NAALAD2: variants seen among roughly 807,000 people sequenced by gnomAD.
The protein encoded by NAALAD2 is N-acetylated-alpha-linked acidic dipeptidase 2.
A neutral mutation model predicts 95.6 loss-of-function variants in NAALAD2; 89 were observed. The observed-to-expected ratio is 0.93, with a 90% CI of 0.78 to 1.11. NAALAD2 has a LOEUF of 1.11. NAALAD2 is among the 50% of genes least tolerant of loss of function. The pLI is 0.00. For synonymous variants in NAALAD2, 264 were observed against 294.4 expected, an observed-to-expected ratio of 0.90 and a Z score of 1.06; for missense variants, 894 against 872.4, an observed-to-expected ratio of 1.02 and a Z score of -0.31.
intron 18 of NAALAD2, among the ~76,000 whole-genome samples, chr11:90,187,272 C>T (rs1857180551): frequency 6.6e-6 from 1 of 151,970 alleles, no homozygotes; most frequent in Admixed American, 6.5e-5. Flanking sequence ...GGCGATTCCT[C>T]AGGGATCTAG....
intron 8 of NAALAD2, 146 bp downstream of exon 8, chr11:90,159,483 C>T (rs1253724825): frequency 1.8e-6 from 1 of 569,336 alleles, no homozygotes; most frequent in African/African-American, 1.9e-5. Context: ...AGTACTTACA[C>T]ATGAAATATT....
intron 2 of NAALAD2, among the ~76,000 whole-genome samples, chr11:90,141,236 A>G (rs1202844861): frequency 6.6e-6 from 1 of 152,182 alleles, no homozygotes; most frequent in Non-Finnish European, 1.5e-5. Flanking sequence ...CATTTAAAAT[A>G]TATAATAAAC....
intron 2 of NAALAD2, among the ~76,000 whole-genome samples, chr11:90,144,519 T>C (rs1487179500): frequency 1.3e-5 from 2 of 151,694 alleles, no homozygotes; most frequent in African/African-American, 4.8e-5. Flanking sequence ...GGAGAGTGGA[T>C]CACCTGAGGT....
chr11:90,147,620 T>C, intron 3 of NAALAD2, 104 bp downstream of exon 3: 1 of 1,045,146 alleles, frequency 9.6e-7, no homozygotes, highest in Non-Finnish European at 1.4e-6. Flanking sequence ...TAGTGAATTA[T>C]TCAGTATCCA....
At chr11:90,137,970 T>C (rs560300201) in intron 2 of NAALAD2, among the ~76,000 whole-genome samples, 2 of 152,038 alleles carry the variant, frequency 1.3e-5, no homozygotes, top group South Asian at 4.2e-4. Flanking sequence ...GAGTTCTTTA[T>C]ATAGAGTTGA....
At chr11:90,145,365 A>C in intron 2 of NAALAD2, among the ~76,000 whole-genome samples, 1 of 152,118 alleles carries the variant, frequency 6.6e-6, no homozygotes, top group East Asian at 1.9e-4. Context: ...AAAAGATGGG[A>C]GGCAAAAAAG....
At chr11:90,132,259 T>G (rs754254109), upstream of NAALAD2, 12 of 152,602 alleles carry the variant, frequency 7.9e-5, no homozygotes, top group Non-Finnish European at 1.5e-4. Context: ...GGGAGATTAT[T>G]CAAACTGGCA....
At chr11:90,156,121 C>T (rs1053960927) in intron 6 of NAALAD2, among the ~76,000 whole-genome samples, 2 of 151,678 alleles carry the variant, frequency 1.3e-5, no homozygotes, top group African/African-American at 4.8e-5. Flanking sequence ...AGTCATTTCT[C>T]CTTTAGTCCT....
rs1379259516 is a variant in NAALAD2, at chr11:90,163,436, A to T, written c.1195+7A>T. 1.2e-5 allele frequency: 20 copies of T among 1,613,740 alleles called. No homozygotes were observed. Among genetic ancestry groups the T allele is most frequent in the Non-Finnish European group, 1.7e-5 (20 of 1,179,858 alleles). ...GGAAAACTGATGAGTAAAGGTAAAC[A>T]ACCTTTCTTTCCTAGGTGATGACAA... On this transcript the variant is annotated splice_region_variant and intron_variant, in intron 10 of 18. Coordinates refer to ENST00000534061, the MANE Select transcript of NAALAD2 (RefSeq NM_005467.4).
chr11:90,154,378 GT>G (rs1184139344), intron 6 of NAALAD2, among the ~76,000 whole-genome samples: 11 of 151,748 alleles, frequency 7.2e-5, no homozygotes, highest in Non-Finnish European at 1.5e-5. Context: ...GTTGCCAAAT[GT>G]TTTTTCTGTG....
In NAALAD2 at chr11:90,162,987, C is replaced by T. The variant is rs759018533; in HGVS notation, c.1028C>T (p.Thr343Ile). The T allele has an allele frequency of 1.3e-6, 2 of 1,567,716 alleles. No homozygotes were observed. Among genetic ancestry groups the T allele is most frequent in the South Asian group, 2.4e-5 (2 of 83,570 alleles). ...CATGTTTATAACATCAATAAAATTA[C>T]AAGGATTTACAATGTAGTTGGAACT... ...RMHVYNINKITRIYNVVGTIR... is the reference protein window; with the variant it reads ...RMHVYNINKIIRIYNVVGTIR... The change falls in exon 9 of 19, where the codon ACA becomes ATA. Residue 343 changes from threonine (T) to isoleucine (I), a missense_variant. By Grantham distance (89) the Thr-to-Ile change is moderately conservative (BLOSUM62 -1). Transcript: ENST00000534061.
chr11:90,182,868 CATG>C (rs1246753625), intron 17 of NAALAD2, 45 bp from the exon 18 acceptor site: 1 of 1,196,478 alleles, frequency 8.4e-7, no homozygotes, highest in African/African-American at 1.5e-5. Context: ...ATTTTTGAAG[CATG>C]ATTCTGCGGT....
Position 90,177,935 on chromosome 11 carries a change from C to T in NAALAD2, c.1676C>T (p.Thr559Ile), listed in dbSNP as rs1438696234. 6.2e-7 allele frequency: 1 copy of T among 1,613,772 alleles called. No homozygotes were observed. The highest frequency in any genetic ancestry group is 1.7e-5 in the Admixed American group (1 of 59,994). Residue 559 changes from threonine to isoleucine, a missense_variant, in exon 16 of 19, where the codon ACA becomes ATA. Physicochemically the swap from Thr to Ile is moderately conservative, Grantham distance 89 (BLOSUM62 -1). Transcript: ENST00000534061. ...TTGGTAGAGAAATTTTATGACCCCACATTTAAAAAACAACTTTCTGTGGCT... is the reference window on the plus strand; with the variant it reads ...TTGGTAGAGAAATTTTATGACCCCATATTTAAAAAACAACTTTCTGTGGCT... ...FELVEKFYDPTFKKQLSVAQL... is the reference protein window; with the variant it reads ...FELVEKFYDPIFKKQLSVAQL...
At chr11:90,150,645 A>T (rs777177834) in intron 5 of NAALAD2, 38 bp downstream of exon 5, 2 of 1,477,926 alleles carry the variant, frequency 1.4e-6, no homozygotes, top group Non-Finnish European at 1.8e-6. Flanking sequence ...GAATGAGAGG[A>T]TATATATATT....
chr11:90,159,013 C>G (rs1952204120), intron 7 of NAALAD2: 1 of 469,274 alleles, frequency 2.1e-6, no homozygotes, highest in Non-Finnish European at 3.8e-6. Context: ...TATTTTTTCT[C>G]TTTGCTCTCA....
At chr11:90,154,377 TG>T (rs535315886) in intron 6 of NAALAD2, among the ~76,000 whole-genome samples, 2 of 151,996 alleles carry the variant, frequency 1.3e-5, no homozygotes, top group African/African-American at 2.4e-5. Flanking sequence ...TGTTGCCAAA[TG>T]TTTTTTCTGT....
At chr11:90,150,716 T>TA in intron 5 of NAALAD2, 109 bp downstream of exon 5, 2 of 965,136 alleles carry the variant, frequency 2.1e-6, no homozygotes, top group Non-Finnish European at 1.3e-6. Context: ...ACATTTCTTT[T>TA]CTTTTTTTCT....
intron 4 of NAALAD2, among the ~76,000 whole-genome samples, chr11:90,150,142 C>A (rs1328906919): frequency 6.6e-6 from 1 of 152,100 alleles, no homozygotes; most frequent in Non-Finnish European, 1.5e-5. Flanking sequence ...GTAATCACAG[C>A]TACTCTGGCA....
chr11:90,143,006 C>A (rs1951659627), intron 2 of NAALAD2, among the ~76,000 whole-genome samples: 1 of 151,918 alleles, frequency 6.6e-6, no homozygotes, highest in Admixed American at 6.6e-5. Context: ...ACTCTCTCCC[C>A]CACCATCCTT....
Sources: allele counts gnomAD v4.1 joint callset (sites outside exome capture counted in the v4.1 genomes callset), GRCh38; gene constraint gnomAD v4.1.1; transcripts MANE v1.5; gene names NCBI Gene and HGNC (gene_info 2026-07-23, HGNC 2026-07-21).